The following CSMD1 variants were observed in gnomAD, a reference collection of about 807,000 sequenced individuals.
CSMD1 encodes CUB and sushi domain-containing protein 1.
In CSMD1, 213 loss-of-function variants were observed where a neutral mutation model predicts 417.5. The ratio of observed to expected loss-of-function variants is 0.51; its 90% CI spans 0.46 to 0.57. CSMD1 has a LOEUF of 0.57. CSMD1 is among the 20% of genes least tolerant of loss of function. The pLI, the probability that CSMD1 is intolerant of heterozygous loss-of-function variation, is 0.00. For missense variants in CSMD1, 6,923 were observed against 4,529.7 expected, an observed-to-expected ratio of 1.53 and a Z score of -15.17; for synonymous variants, 2,862 against 1,736.8, an observed-to-expected ratio of 1.65 and a Z score of -16.11.
At chr8:4,397,324 T>G (rs1307398585) in intron 3 of CSMD1, among the ~76,000 whole-genome samples, 1 of 152,152 alleles carries the variant, frequency 6.6e-6, no homozygotes, top group Non-Finnish European at 1.5e-5. Context: ...TATAAGCATA[T>G]TCAACTGAAG....
intron 3 of CSMD1, among the ~76,000 whole-genome samples, chr8:4,038,715 T>C (rs918756754): frequency 1.3e-5 from 2 of 152,212 alleles, no homozygotes; most frequent in Admixed American, 1.3e-4. Flanking sequence ...AAGCAATACT[T>C]ATTTAGGTGA....
intron 1 of CSMD1, among the ~76,000 whole-genome samples, chr8:4,800,413 G>C (rs887860247): frequency 3.3e-5 from 5 of 149,672 alleles, no homozygotes; most frequent in African/African-American, 5.0e-5. Flanking sequence ...ACTCCAGGCT[G>C]GGTGACAAGA....
chr8:3,762,128 C>A (rs753254281), intron 5 of CSMD1, among the ~76,000 whole-genome samples: 2 of 152,136 alleles, frequency 1.3e-5, no homozygotes, highest in African/African-American at 2.4e-5. Flanking sequence ...TGCTTTCCAG[C>A]CTCTTCAGGT....
intron 3 of CSMD1, among the ~76,000 whole-genome samples, chr8:4,233,247 A>T (rs555461180): frequency 6.6e-6 from 1 of 152,332 alleles, no homozygotes; most frequent in African/African-American, 2.4e-5. Context: ...CTGTTGTGAC[A>T]GGGAAGATCA....
chr8:4,116,837 A>T (rs1003597860), intron 3 of CSMD1, among the ~76,000 whole-genome samples: 1 of 150,106 alleles, frequency 6.7e-6, no homozygotes, highest in Non-Finnish European at 1.5e-5. Context: ...TTAAAAAAAA[A>T]CAAAAAGCAC....
intron 3 of CSMD1, among the ~76,000 whole-genome samples, chr8:4,103,965 C>T (rs780116756): frequency 7.2e-5 from 11 of 152,322 alleles, no homozygotes; most frequent in South Asian, 2.1e-4. Flanking sequence ...GTGCTGCAGA[C>T]GCGTGAGCTC....
chr8:4,313,507 G>GAAAA (rs34466873), intron 3 of CSMD1, among the ~76,000 whole-genome samples: 15 of 136,802 alleles, frequency 1.1e-4, no homozygotes, highest in South Asian at 2.4e-4. Flanking sequence ...ATGTCAAAAT[G>GAAAA]AAAAAAAAAA....
intron 1 of CSMD1, among the ~76,000 whole-genome samples, chr8:4,933,803 G>A (rs768077870): frequency 6.6e-6 from 1 of 152,160 alleles, no homozygotes; most frequent in Non-Finnish European, 1.5e-5. Flanking sequence ...AAGGGACCTA[G>A]ATGTGAGCCC....
chr8:4,922,370 A>T (rs1004968303), intron 1 of CSMD1, among the ~76,000 whole-genome samples: 12 of 152,200 alleles, frequency 7.9e-5, no homozygotes, highest in African/African-American at 2.9e-4. Flanking sequence ...ATGCTTATAT[A>T]TAGCACAATA....
chr8:3,146,851 G>C (rs1033546058), intron 40 of CSMD1, among the ~76,000 whole-genome samples: 1 of 152,200 alleles, frequency 6.6e-6, no homozygotes, highest in Admixed American at 6.5e-5. Context: ...TGGGAGTAGA[G>C]TTAATCAAAA....
intron 5 of CSMD1, among the ~76,000 whole-genome samples, chr8:3,851,464 G>A (rs987408517): frequency 9.9e-5 from 15 of 152,242 alleles, no homozygotes; most frequent in Middle Eastern, 3.4e-3. Context: ...ATTATCTCAA[G>A]GGAAAAAGTA....
At chr8:3,500,762 G>T (rs982096328) in intron 10 of CSMD1, among the ~76,000 whole-genome samples, 4 of 152,124 alleles carry the variant, frequency 2.6e-5, no homozygotes, top group African/African-American at 7.2e-5. Flanking sequence ...GGATAACCAT[G>T]GCAAGAAAGA....
chr8:4,412,325 T>C (rs541063810), intron 3 of CSMD1, among the ~76,000 whole-genome samples: 2 of 151,934 alleles, frequency 1.3e-5, no homozygotes, highest in South Asian at 2.1e-4. Context: ...GCGCAAAAGA[T>C]TCACCAAAAT....
intron 1 of CSMD1, among the ~76,000 whole-genome samples, chr8:4,683,147 C>A (rs1415035633): frequency 6.6e-6 from 1 of 151,428 alleles, no homozygotes; most frequent in Admixed American, 6.6e-5. Context: ...ATGGTCAGTT[C>A]TGATCTGTTA....
chr8:3,816,757 C>G (rs1020791817), intron 5 of CSMD1, among the ~76,000 whole-genome samples: 3 of 152,044 alleles, frequency 2.0e-5, no homozygotes, highest in African/African-American at 7.2e-5. Context: ...ATATGCATAC[C>G]TAATGTGTGT....
chr8:3,223,785 T>C lies in CSMD1; in HGVS notation c.4428A>G (p.Glu1476=), dbSNP rs1017661475. ...NYPQPYPPGK[E]CDWRVKVNPD... is the part of the protein sequence containing the mutation. ...GGTTCACTTTTACTCTCCAGTCACA[T>C]TCCTTCCCAGGAGGATACGGCTGTG... The change falls in exon 28 of 70, where the codon GAA becomes GAG. Residue 1476 remains glutamate (E), a synonymous_variant. Coordinates refer to ENST00000635120, the MANE Select transcript of CSMD1 (RefSeq NM_033225.6). 3.1e-6 allele frequency: 5 copies of C among 1,613,938 alleles called. No homozygotes were observed. Among genetic ancestry groups the C allele is most frequent in the Non-Finnish European group, 4.2e-6 (5 of 1,179,836 alleles).
intron 2 of CSMD1, among the ~76,000 whole-genome samples, chr8:4,507,871 C>A (rs1466039218): frequency 6.6e-6 from 1 of 152,030 alleles, no homozygotes; most frequent in Non-Finnish European, 1.5e-5. Context: ...TGGTCAATTT[C>A]AGTTTAACAT....
intron 3 of CSMD1, among the ~76,000 whole-genome samples, chr8:4,055,890 A>G (rs1798664872): frequency 6.6e-6 from 1 of 152,142 alleles, no homozygotes; most frequent in Non-Finnish European, 1.5e-5. Flanking sequence ...GCACTTACAT[A>G]CAAATGATGA....
intron 7 of CSMD1, among the ~76,000 whole-genome samples, chr8:3,652,715 A>G (rs1797919869): frequency 6.6e-6 from 1 of 152,154 alleles, no homozygotes; most frequent in Non-Finnish European, 1.5e-5. Flanking sequence ...AATTATCTCC[A>G]AGTGACCCCG....
Sources: gnomAD v4.1 joint callset for allele counts (sites outside exome capture counted in the v4.1 genomes callset) on GRCh38, gnomAD v4.1.1 for gene constraint, MANE v1.5 for transcripts, NCBI Gene and HGNC (gene_info 2026-07-23, HGNC 2026-07-21) for gene names.